Variants in CSMD1 observed in about 807,000 individuals in gnomAD.
CSMD1 encodes the protein CUB and Sushi multiple domains 1, also known as CUB and sushi domain-containing protein 1.
In CSMD1, 213 loss-of-function variants were observed where a neutral mutation model predicts 417.5. That is an observed-to-expected ratio of 0.51 (90% CI 0.46 to 0.57). CSMD1 has a LOEUF of 0.57. Ranked by LOEUF, CSMD1 falls within the 20% of genes least tolerant of loss-of-function variation. The pLI is 0.00. For synonymous variants in CSMD1, 2,862 were observed against 1,736.8 expected, an observed-to-expected ratio of 1.65 and a Z score of -16.11; for missense variants, 6,923 against 4,529.7, an observed-to-expected ratio of 1.53 and a Z score of -15.17.
chr8:3,032,353 A>G (rs2942802), intron 50 of CSMD1, among the ~76,000 whole-genome samples: 152,095 of 152,096 alleles, frequency 1, 76,047 homozygotes, highest in Non-Finnish European at 1. Flanking sequence ...TTTTCCCTAA[A>G]GAGTGGTAGA....
chr8:4,754,210 C>A (rs1811524109), intron 1 of CSMD1, among the ~76,000 whole-genome samples: 1 of 152,076 alleles, frequency 6.6e-6, no homozygotes, highest in Admixed American at 6.5e-5. Context: ...CTCTACAACT[C>A]TTAACAGTCG....
intron 12 of CSMD1, among the ~76,000 whole-genome samples, chr8:3,434,832 T>G (rs965665040): frequency 7.9e-5 from 12 of 152,218 alleles, no homozygotes; most frequent in African/African-American, 2.9e-4. Flanking sequence ...GTCAGAGTGC[T>G]GGCAGGAAGT....
chr8:4,530,949 C>G (rs900940946), intron 2 of CSMD1, among the ~76,000 whole-genome samples: 1 of 152,006 alleles, frequency 6.6e-6, no homozygotes, highest in Non-Finnish European at 1.5e-5. Context: ...AAAAGACAGA[C>G]CTAGTATCTG....
At chr8:4,892,716 C>T (rs1804204696) in intron 1 of CSMD1, among the ~76,000 whole-genome samples, 2 of 151,876 alleles carry the variant, frequency 1.3e-5, no homozygotes, top group South Asian at 4.1e-4. Flanking sequence ...TGATATATTG[C>T]TTTTAACACT....
At chr8:4,810,992 T>A (rs1798866690) in intron 1 of CSMD1, among the ~76,000 whole-genome samples, 1 of 152,210 alleles carries the variant, frequency 6.6e-6, no homozygotes, top group African/African-American at 2.4e-5. Flanking sequence ...ATATTTGTTG[T>A]AAGAGTTTCA....
chr8:4,880,289 G>T (rs747260115), intron 1 of CSMD1, among the ~76,000 whole-genome samples: 4 of 152,022 alleles, frequency 2.6e-5, no homozygotes, highest in Non-Finnish European at 4.4e-5. Context: ...TAGCTTTGGG[G>T]ATCTCACACA....
At chr8:3,171,706 A>T (rs1201258853) in intron 37 of CSMD1, among the ~76,000 whole-genome samples, 1 of 152,194 alleles carries the variant, frequency 6.6e-6, no homozygotes, top group Middle Eastern at 3.2e-3. Context: ...GGAATTATTT[A>T]AAAAAATAGA....
chr8:3,987,022 T>A (rs1405066671), intron 5 of CSMD1, among the ~76,000 whole-genome samples: 1 of 152,188 alleles, frequency 6.6e-6, no homozygotes, highest in East Asian at 1.9e-4. Context: ...CCCAAAGTGC[T>A]GGGATTACAG....
intron 50 of CSMD1, among the ~76,000 whole-genome samples, chr8:3,048,092 G>C (rs1267850154): frequency 6.6e-6 from 1 of 152,098 alleles, no homozygotes; most frequent in East Asian, 1.9e-4. Flanking sequence ...ATGTATCTGT[G>C]ATACCCAAAG....
chr8:4,878,486 T>C (rs1803188698), intron 1 of CSMD1, among the ~76,000 whole-genome samples: 1 of 151,816 alleles, frequency 6.6e-6, no homozygotes, highest in Non-Finnish European at 1.5e-5. Context: ...CAGCATAGAA[T>C]CATGATGATG....
chr8:4,303,996 T>C (rs926909951), intron 3 of CSMD1, among the ~76,000 whole-genome samples: 1 of 152,088 alleles, frequency 6.6e-6, no homozygotes, highest in African/African-American at 2.4e-5. Context: ...AACCTGAACA[T>C]GATGTCTAGG....
chr8:3,771,453 T>C (rs1411705317), intron 5 of CSMD1, among the ~76,000 whole-genome samples: 1 of 152,172 alleles, frequency 6.6e-6, no homozygotes, highest in Admixed American at 6.5e-5. Flanking sequence ...TCTCAGTTGC[T>C]GGTGGGGGGG....
chr8:4,139,792 T>C (rs1158296459), intron 3 of CSMD1, among the ~76,000 whole-genome samples: 1 of 151,016 alleles, frequency 6.6e-6, no homozygotes, highest in Non-Finnish European at 1.5e-5. Flanking sequence ...CTGAGCTCAG[T>C]GTTCTACAGG....
At chr8:4,441,285 T>A (rs187347) in intron 2 of CSMD1, among the ~76,000 whole-genome samples, 10 of 110,684 alleles carry the variant, frequency 9.0e-5, no homozygotes, top group Non-Finnish European at 1.6e-4. Context: ...TTTTTTTTGG[T>A]GGGGGGAGTA....
intron 8 of CSMD1, among the ~76,000 whole-genome samples, chr8:3,608,426 C>G (rs867849004): frequency 6.6e-6 from 1 of 152,014 alleles, no homozygotes; most frequent in Non-Finnish European, 1.5e-5. Context: ...GTTTCAGCAT[C>G]TTTGAAATGT....
chr8:4,351,002 A>G (rs1342216396), intron 3 of CSMD1, among the ~76,000 whole-genome samples: 1 of 152,158 alleles, frequency 6.6e-6, no homozygotes, highest in Non-Finnish European at 1.5e-5. Flanking sequence ...TGCTTAATCG[A>G]AATTAAAGTT....
At chr8:3,319,574 C>A (rs1349836046) in intron 23 of CSMD1, among the ~76,000 whole-genome samples, 1 of 152,124 alleles carries the variant, frequency 6.6e-6, no homozygotes, top group African/African-American at 2.4e-5. Flanking sequence ...CTTTCAAACA[C>A]TTCCGCACAC....
intron 3 of CSMD1, among the ~76,000 whole-genome samples, chr8:4,206,191 ATTTC>A (rs138946150): frequency 0.013 from 2,050 of 152,014 alleles, 46 homozygotes; most frequent in African/African-American, 0.046. Context: ...AAAAATGAGG[ATTTC>A]TTTTTCTTTT....
chr8:3,448,198 C>G (rs775743471), intron 12 of CSMD1, among the ~76,000 whole-genome samples: 7 of 149,344 alleles, frequency 4.7e-5, no homozygotes, highest in Non-Finnish European at 7.4e-5. Flanking sequence ...AAATAAAAAG[C>G]CTGTCTGTGT....
Sources: gnomAD v4.1 joint callset for allele counts (sites outside exome capture counted in the v4.1 genomes callset) on GRCh38, gnomAD v4.1.1 for gene constraint, MANE v1.5 for transcripts, NCBI Gene and HGNC (gene_info 2026-07-23, HGNC 2026-07-21) for gene names.